Variants in CCDC144A observed in about 807,000 individuals in gnomAD.
The protein encoded by CCDC144A is coiled-coil domain containing 144A, also known as coiled-coil domain-containing protein 144A.
CCDC144A carries 41 observed loss-of-function variants against 143.8 expected under a neutral mutation model. The observed-to-expected ratio is 0.29, with a 90% confidence interval of 0.22 to 0.37. CCDC144A has a LOEUF of 0.37. CCDC144A is among the 10% of genes least tolerant of loss of function. CCDC144A has a pLI of 1.00. For missense variants in CCDC144A, 637 were observed against 1,488.8 expected (o/e 0.43, Z 9.41); for synonymous variants, 242 against 517.9 (o/e 0.47, Z 7.23).
At chr17:16,768,604 A>C (rs1271177523) in intron 15 of CCDC144A, among the ~76,000 whole-genome samples, 11 of 152,250 alleles carry the variant, frequency 7.2e-5, no homozygotes, top group Admixed American at 7.2e-4. Flanking sequence ...TAGGTTTCAC[A>C]TTCTAGATTA....
At chr17:16,682,202 G>GGTGTGTGTGTGT in the CCDC144A span, among the ~76,000 whole-genome samples, 2 of 145,230 alleles carry the variant, frequency 1.4e-5, no homozygotes, top group African/African-American at 5.0e-5. Flanking sequence ...TCTGAAAATG[G>GGTGTGTGTGTGT]GTGTGTGTGT....
intron 12 of CCDC144A, among the ~76,000 whole-genome samples, chr17:16,751,510 G>C (rs565629677): frequency 1.3e-5 from 2 of 152,212 alleles, no homozygotes; most frequent in Non-Finnish European, 2.9e-5. Flanking sequence ...GTGAAGGCGA[G>C]AGATAACCCC....
At chr17:16,714,778 T>TC (rs1448545085) in intron 6 of CCDC144A, among the ~76,000 whole-genome samples, 1 of 152,036 alleles carries the variant, frequency 6.6e-6, no homozygotes, top group East Asian at 1.9e-4. Context: ...GTGTCAGGGT[T>TC]CCTCCTCATA....
chr17:16,748,842 T>C (rs1399585918), intron 12 of CCDC144A, among the ~76,000 whole-genome samples: 1 of 152,150 alleles, frequency 6.6e-6, no homozygotes, highest in African/African-American at 2.4e-5. Flanking sequence ...TATCCATTTC[T>C]CCTAGATATT....
At chr17:16,708,757 T>A (rs1912197754) in intron 4 of CCDC144A, 39 bp from the exon 5 acceptor site, 1 of 1,611,024 alleles carries the variant, frequency 6.2e-7, no homozygotes, top group Non-Finnish European at 8.5e-7. Context: ...ACCCAAGAAA[T>A]AAAACAAGCA....
chr17:16,747,193 C>T (rs1914576017), intron 12 of CCDC144A, among the ~76,000 whole-genome samples: 1 of 151,980 alleles, frequency 6.6e-6, no homozygotes, highest in Non-Finnish European at 1.5e-5. Context: ...TTTGTGTCGG[C>T]TTTGTCAAAG....
intron 12 of CCDC144A, among the ~76,000 whole-genome samples, chr17:16,754,748 C>A (rs1273692682): frequency 6.6e-6 from 1 of 152,242 alleles, no homozygotes; most frequent in Admixed American, 6.5e-5. Flanking sequence ...TCCATGTGGT[C>A]TATAGTGCAG....
At chr17:16,756,367 A>G (rs1306103484) in intron 12 of CCDC144A, among the ~76,000 whole-genome samples, 1 of 152,002 alleles carries the variant, frequency 6.6e-6, no homozygotes, top group East Asian at 1.9e-4. Context: ...AAGTTCAGAA[A>G]TTCATTCTTC....
chr17:16,683,298 A>G, the CCDC144A span: 1 of 578,794 alleles, frequency 1.7e-6, no homozygotes, highest in Non-Finnish European at 3.1e-6. Context: ...CATATATACA[A>G]TTTTATTTGT....
At chr17:16,725,341 T>G (rs192366919) in intron 8 of CCDC144A, among the ~76,000 whole-genome samples, 1 of 152,274 alleles carries the variant, frequency 6.6e-6, no homozygotes, top group East Asian at 1.9e-4. Context: ...CTTTTTCTGC[T>G]TTCTTCTCAG....
the CCDC144A span, chr17:16,667,201 G>A: frequency 4.8e-6 from 1 of 208,616 alleles, no homozygotes; most frequent in South Asian, 5.4e-5. Flanking sequence ...AGGCAGCCGG[G>A]CGGGTGAGCT....
the CCDC144A span, among the ~76,000 whole-genome samples, chr17:16,678,661 G>A: frequency 2.0e-5 from 3 of 146,718 alleles, no homozygotes; most frequent in African/African-American, 7.6e-5. Flanking sequence ...GCTCACTGCA[G>A]CCTTGACCTC....
chr17:16,756,006 C>T (rs1268126152), intron 12 of CCDC144A, among the ~76,000 whole-genome samples: 2 of 152,172 alleles, frequency 1.3e-5, no homozygotes, highest in African/African-American at 4.8e-5. Flanking sequence ...GATATGGATT[C>T]CCTTGTATGT....
intron 12 of CCDC144A, among the ~76,000 whole-genome samples, chr17:16,744,427 T>C (rs1377377549): frequency 6.6e-6 from 1 of 152,250 alleles, no homozygotes; most frequent in Non-Finnish European, 1.5e-5. Context: ...GGTATGTCAT[T>C]GTGGCTTTGA....
chr17:16,743,130 C>G (rs1299512242), intron 12 of CCDC144A, among the ~76,000 whole-genome samples: 2 of 152,010 alleles, frequency 1.3e-5, no homozygotes, highest in Non-Finnish European at 2.9e-5. Context: ...TTTGCATATG[C>G]CCGTGATAAC....
intron 15 of CCDC144A, among the ~76,000 whole-genome samples, chr17:16,766,844 G>A (rs1173439513): frequency 5.9e-5 from 9 of 151,968 alleles, no homozygotes; most frequent in African/African-American, 2.2e-4. Flanking sequence ...TGGGGAAGGG[G>A]GTGTTCATTT....
intron 12 of CCDC144A, among the ~76,000 whole-genome samples, chr17:16,753,334 A>G (rs552609641): frequency 6.6e-6 from 1 of 151,936 alleles, no homozygotes; most frequent in Non-Finnish European, 1.5e-5. Context: ...TGCTTTCAGT[A>G]ATAAGGTCAT....
At chr17:16,745,755 C>A in intron 12 of CCDC144A, 1 of 1,613,716 alleles carries the variant, frequency 6.2e-7, no homozygotes, top group Non-Finnish European at 8.5e-7. Flanking sequence ...CAAGGCTGGC[C>A]GGTCCTTGTT....
chr17:16,704,943 G>T (rs866914835), intron 2 of CCDC144A, among the ~76,000 whole-genome samples: 50 of 152,140 alleles, frequency 3.3e-4, no homozygotes, highest in African/African-American at 1.2e-3. Context: ...TAAAAATGTA[G>T]AAAAGTGAGA....
Sources: gnomAD v4.1 joint callset for allele counts (sites outside exome capture counted in the v4.1 genomes callset) on GRCh38, gnomAD v4.1.1 for gene constraint, MANE v1.5 for transcripts, NCBI Gene and HGNC (gene_info 2026-07-23, HGNC 2026-07-21) for gene names.